PTPRJ: variants seen among roughly 807,000 people sequenced by gnomAD.
PTPRJ encodes the protein protein tyrosine phosphatase receptor type J.
A neutral mutation model predicts 141.3 loss-of-function variants in PTPRJ; 129 were observed. The ratio of observed to expected loss-of-function variants is 0.91; its 90% CI spans 0.79 to 1.06. The LOEUF (loss-of-function observed/expected upper bound fraction) is 1.06, where lower values mean the gene tolerates loss of function less well. Ranked by LOEUF, PTPRJ falls within the 50% of genes least tolerant of loss-of-function variation. The probability of loss-of-function intolerance (pLI) is 0.00; values close to 1 mark genes in which losing one functional copy is unlikely to be tolerated. For missense variants in PTPRJ, 1,601 were observed against 1,679.7 expected (o/e 0.95, Z 0.82); for synonymous variants, 610 against 640.5 (o/e 0.95, Z 0.72).
chr11:48,093,085 A>G (rs970783756), intron 1 of PTPRJ, among the ~76,000 whole-genome samples: 1 of 152,206 alleles, frequency 6.6e-6, no homozygotes, highest in African/African-American at 2.4e-5. Flanking sequence ...AAATCAACTC[A>G]GTGTGTTACT....
At chr11:48,068,424 T>C (rs1472215767) in intron 1 of PTPRJ, among the ~76,000 whole-genome samples, 2 of 152,214 alleles carry the variant, frequency 1.3e-5, no homozygotes, top group Non-Finnish European at 2.9e-5. Flanking sequence ...CGAGAGCTGA[T>C]GGTTTTATAA....
intron 1 of PTPRJ, among the ~76,000 whole-genome samples, chr11:48,018,169 CT>C (rs1023334118): frequency 1.1e-4 from 17 of 150,004 alleles, no homozygotes; most frequent in African/African-American, 4.2e-4. Context: ...TATTTCCTTC[CT>C]GTTTTTTTTT....
intron 11 of PTPRJ, among the ~76,000 whole-genome samples, chr11:48,140,079 G>A (rs1200981813): frequency 1.3e-5 from 2 of 152,050 alleles, no homozygotes; most frequent in African/African-American, 2.4e-5. Flanking sequence ...TTGTCACCCA[G>A]GCTGGAATGC....
chr11:48,073,763 T>A (rs998045377), intron 1 of PTPRJ, among the ~76,000 whole-genome samples: 15 of 152,256 alleles, frequency 9.9e-5, no homozygotes, highest in African/African-American at 3.6e-4. Context: ...ATTTAAAAAA[T>A]TTCTATGTAT....
Position 48,136,181 on chromosome 11 carries a change from G to T in PTPRJ, c.1758G>T (p.Thr586=), listed in dbSNP as rs769827199. Residue 586 remains threonine, a synonymous_variant, in exon 9 of 25, where the codon ACG becomes ACT. Transcript: ENST00000418331. ...AGCATGGCTCTAACCACACAAGCACGTATGACAAAGCGATTACTCTCCAGG... is the reference window on the plus strand; with the variant it reads ...AGCATGGCTCTAACCACACAAGCACTTATGACAAAGCGATTACTCTCCAGG... ...ESKHGSNHTS[T]YDKAITLQGL... 6.2e-6 allele frequency: 10 copies of T among 1,614,036 alleles called. No homozygotes were observed. Among genetic ancestry groups the T allele is most frequent in the Non-Finnish European group, 8.5e-6 (10 of 1,180,038 alleles).
chr11:48,004,263 C>A (rs770294014), intron 1 of PTPRJ, among the ~76,000 whole-genome samples: 12 of 152,184 alleles, frequency 7.9e-5, no homozygotes, highest in Non-Finnish European at 1.2e-4. Flanking sequence ...TAGTTTTGCC[C>A]CTTGCACCAA....
At chr11:48,052,033 G>A (rs1037280464) in intron 1 of PTPRJ, among the ~76,000 whole-genome samples, 4 of 152,190 alleles carry the variant, frequency 2.6e-5, no homozygotes, top group Admixed American at 6.5e-5. Flanking sequence ...GATGGCGATG[G>A]TGCTTAACCC....
intron 1 of PTPRJ, among the ~76,000 whole-genome samples, chr11:48,009,606 T>A (rs965567190): frequency 6.6e-6 from 1 of 151,826 alleles, no homozygotes; most frequent in African/African-American, 2.4e-5. Context: ...AAAAAAAAAA[T>A]ATTGGTTAAA....
chr11:48,147,291 G>A (rs1857375951), intron 15 of PTPRJ, among the ~76,000 whole-genome samples: 1 of 152,224 alleles, frequency 6.6e-6, no homozygotes, highest in Non-Finnish European at 1.5e-5. Flanking sequence ...TTGAACACCA[G>A]CTCTGTCTTT....
At chr11:48,070,727 TC>T (rs1339149892) in intron 1 of PTPRJ, among the ~76,000 whole-genome samples, 4 of 152,234 alleles carry the variant, frequency 2.6e-5, no homozygotes, top group Non-Finnish European at 5.9e-5. Context: ...TTGTTTTTGC[TC>T]CTGCTGGTGA....
chr11:48,159,147 G>C (rs1857698245), intron 21 of PTPRJ, among the ~76,000 whole-genome samples: 1 of 149,628 alleles, frequency 6.7e-6, no homozygotes, highest in Non-Finnish European at 1.5e-5. Context: ...GTGTGTGTGT[G>C]TGTGTGTGTG....
intron 1 of PTPRJ, among the ~76,000 whole-genome samples, chr11:48,000,865 A>G (rs1220888123): frequency 3.3e-5 from 5 of 152,140 alleles, no homozygotes; most frequent in Non-Finnish European, 7.4e-5. Flanking sequence ...TGTGTAGGAC[A>G]GAGCGTGCCT....
chr11:48,144,018 C>T (rs530249644), intron 12 of PTPRJ, among the ~76,000 whole-genome samples: 3 of 151,836 alleles, frequency 2.0e-5, no homozygotes, highest in Non-Finnish European at 4.4e-5. Flanking sequence ...GCCTCTGTGC[C>T]TGGTCTGGGA....
At chr11:48,027,582 G>T (rs1244256484) in intron 1 of PTPRJ, among the ~76,000 whole-genome samples, 1 of 151,926 alleles carries the variant, frequency 6.6e-6, no homozygotes. Flanking sequence ...CCTGAGGTCA[G>T]GAGTTCGAGA....
chr11:48,080,931 C>T (rs766193131), intron 1 of PTPRJ, among the ~76,000 whole-genome samples: 11 of 152,144 alleles, frequency 7.2e-5, no homozygotes, highest in African/African-American at 9.7e-5. Flanking sequence ...AATTGCTGAG[C>T]GAATAAAAGA....
chr11:48,034,840 A>G (rs1207143161), intron 1 of PTPRJ, among the ~76,000 whole-genome samples: 2 of 152,256 alleles, frequency 1.3e-5, no homozygotes, highest in East Asian at 3.9e-4. Flanking sequence ...CGATGGCCAT[A>G]CTGGTAATTG....
chr11:48,006,452 C>T (rs1053133040), intron 1 of PTPRJ, among the ~76,000 whole-genome samples: 1 of 152,104 alleles, frequency 6.6e-6, no homozygotes, highest in Non-Finnish European at 1.5e-5. Flanking sequence ...GGATGGACAT[C>T]CCTGCCCATT....
chr11:48,018,109 A>G (rs1283691894), intron 1 of PTPRJ, among the ~76,000 whole-genome samples: 2 of 152,126 alleles, frequency 1.3e-5, no homozygotes, highest in Non-Finnish European at 1.5e-5. Flanking sequence ...ATTGAAACTA[A>G]AAGTCATCCA....
chr11:48,139,605 G>A lies in PTPRJ; in HGVS notation c.2272G>A (p.Ala758Thr). 1 of 1,614,266 alleles carries A rather than the reference G, an allele frequency of 6.2e-7. No homozygotes were observed. Among genetic ancestry groups the A allele is most frequent in the South Asian group, 1.1e-5 (1 of 91,092 alleles). The change falls in exon 11 of 25, where the codon GCC becomes ACC. Residue 758 changes from alanine (A) to threonine (T), a missense_variant. Transcript: ENST00000418331. ...CTTTGAGCTGGAGGTCAGCAGTGGAGCCTGGAACAATGCGACCCACCTGGA... is the reference window on the plus strand; with the variant it reads ...CTTTGAGCTGGAGGTCAGCAGTGGAACCTGGAACAATGCGACCCACCTGGA... ...AGFELEVSSG[A>T]WNNATHLESC...
Sources: allele counts gnomAD v4.1 joint callset (sites outside exome capture counted in the v4.1 genomes callset), GRCh38; gene constraint gnomAD v4.1.1; transcripts MANE v1.5; gene names NCBI Gene and HGNC (gene_info 2026-07-23, HGNC 2026-07-21).